COL1A2: variants seen among roughly 807,000 people sequenced by gnomAD.
The protein encoded by COL1A2 is collagen type I alpha 2 chain, also known as collagen alpha-2(I) chain.
A neutral mutation model predicts 174.3 loss-of-function variants in COL1A2; 49 were observed. The observed-to-expected ratio is 0.28, with a 90% confidence interval of 0.22 to 0.36. The LOEUF (loss-of-function observed/expected upper bound fraction) is 0.36, where lower values mean the gene tolerates loss of function less well. Ranked by LOEUF, COL1A2 falls within the 10% of genes least tolerant of loss-of-function variation. The pLI is 1.00. For missense variants in COL1A2, 1,438 were observed against 1,822.7 expected, an observed-to-expected ratio of 0.79 and a Z score of 3.84; for synonymous variants, 655 against 606.6, an observed-to-expected ratio of 1.08 and a Z score of -1.17.
intron 38 of COL1A2, chr7:94,421,328 G>C (rs775717705): frequency 2.0e-4 from 107 of 538,704 alleles, no homozygotes; most frequent in Non-Finnish European, 3.0e-4. Context: ...ATTCCTTTTG[G>C]CGTTTATTAA....
Position 94,430,551 on chromosome 7 carries a change from G to A in COL1A2, c.*158G>A, listed in dbSNP as rs1562909447. On this transcript the variant is annotated 3_prime_UTR_variant, in exon 52 of 52. Coordinates refer to ENST00000297268, the MANE Select transcript of COL1A2 (RefSeq NM_000089.4). The stretch of plus-strand genomic sequence containing the variant: ...AAAAGAGAAAAAGAAGGATTGATCA[G>A]AGCATTGTGCAATACAGTTTCATTA... The A allele has an allele frequency of 2.5e-6, 2 of 802,946 alleles. No individual in the cohort carries two copies. The highest frequency in any genetic ancestry group is 3.5e-5 in the African/African-American group (2 of 57,476). The allele number at this position is 802,946 out of a possible 1,614,324, so 49.7% of individuals were successfully genotyped here. A position where few individuals can be genotyped will look rare whatever the true frequency, so the allele number is the denominator to read the frequency against.
intron 48 of COL1A2, 51 bp from the exon 49 acceptor site, chr7:94,427,576 C>A: frequency 6.2e-7 from 1 of 1,606,988 alleles, no homozygotes; most frequent in Non-Finnish European, 8.5e-7. Context: ...ATGGATGTCT[C>A]TCACTGTAAC....
rs151122741 is a variant in COL1A2 at position 94,423,788 on chromosome 7, T to A, written c.2566-548T>A. 562 of 165,952 alleles carry A rather than the reference T, an allele frequency of 3.4e-3. 3 individuals carry two copies. Among genetic ancestry groups the A allele is most frequent in the African/African-American group, 0.012 (514 of 41,534 alleles). The allele number at this position is 165,952 out of a possible 1,614,324, so 10.3% of individuals were successfully genotyped here. A position where few individuals can be genotyped will look rare whatever the true frequency, so the allele number is the denominator to read the frequency against. ...TTTTGTATTTTTAGTAAAGACGGGG[T>A]TTCACCATATTGGTCAGGCTGGTCT... On this transcript the variant is annotated intron_variant, in intron 40 of 51. Coordinates refer to ENST00000297268, the MANE Select transcript of COL1A2 (RefSeq NM_000089.4).
intron 31 of COL1A2, chr7:94,417,480 G>A: frequency 2.0e-6 from 1 of 510,058 alleles, no homozygotes; most frequent in Non-Finnish European, 3.6e-6. Flanking sequence ...TAAGAGGACT[G>A]AAGCAGGTTA....
rs762201938 is a variant in COL1A2 at position 94,401,623 on chromosome 7, A to G, written c.279+3A>G. On this transcript the variant is annotated splice_donor_region_variant and intron_variant, in intron 6 of 51. Coordinates refer to ENST00000297268, the MANE Select transcript of COL1A2 (RefSeq NM_000089.4). ...TTGGACTTGGCCCTGGACCAATGGTATGCTTATCTGTTTATCTTAGCCAAA... is the reference window on the plus strand; with the variant it reads ...TTGGACTTGGCCCTGGACCAATGGTGTGCTTATCTGTTTATCTTAGCCAAA... The G allele has an allele frequency of 6.3e-6, 10 of 1,586,686 alleles. No individual in the cohort carries two copies. In the South Asian group the frequency reaches 1.1e-4, roughly 18 times the overall value.
chr7:94,403,465 G>T (rs1330140370), intron 6 of COL1A2, among the ~76,000 whole-genome samples: 1 of 152,124 alleles, frequency 6.6e-6, no homozygotes, highest in Non-Finnish European at 1.5e-5. Flanking sequence ...AAATGAAATT[G>T]TTGCAAATAC....
Position 94,412,084 on chromosome 7 carries a change from C to T in COL1A2, c.1367C>T (p.Pro456Leu), listed in dbSNP as rs1352712161. The T allele has an allele frequency of 6.2e-7, 1 of 1,612,556 alleles. No homozygotes were observed. Among genetic ancestry groups the T allele is most frequent in the Non-Finnish European group, 8.5e-7 (1 of 1,179,174 alleles). ...LMGPRGLPGS[P>L]GNIGPAGKEG... The stretch of plus-strand genomic sequence containing the variant: ...ATTTTATAGGGTCTTCCTGGTTCCC[C>T]TGGAAATATCGGCCCCGCTGGAAAA... Residue 456 changes from proline (P) to leucine (L), a missense_variant, in exon 24 of 52, where the codon CCT becomes CTT. Physicochemically the swap from Pro to Leu is moderately conservative, Grantham distance 98. Coordinates refer to ENST00000297268, the MANE Select transcript of COL1A2 (RefSeq NM_000089.4).
At chr7:94,424,312 A>G in intron 40 of COL1A2, 24 bp from the exon 41 acceptor site, 6 of 1,588,758 alleles carry the variant, frequency 3.8e-6, no homozygotes, top group Non-Finnish European at 5.2e-6. Flanking sequence ...TACCCATAAT[A>G]CTCAGTATTT....
Position 94,416,392 on chromosome 7 carries a change from T to C in COL1A2, c.1765-13T>C. On this transcript the variant is annotated splice_polypyrimidine_tract_variant and intron_variant, in intron 30 of 51. Transcript: ENST00000297268. ...ATGAATGGTGCAACACTTCTTCTAA[T>C]CACTTTTTTCAGGGGGAACGCGGTC... The C allele has an allele frequency of 1.3e-6, 2 of 1,558,236 alleles. No homozygotes were observed. The highest frequency in any genetic ancestry group is 1.7e-6 in the Non-Finnish European group (2 of 1,149,568).
At chr7:94,430,023 T>G in intron 51 of COL1A2, 1 of 576,154 alleles carries the variant, frequency 1.7e-6, no homozygotes, top group South Asian at 2.1e-5. Context: ...GTTGTTGGTT[T>G]TTTTGGTTTG....
Position 94,411,389 on chromosome 7 carries a change from G to T in COL1A2, c.1350+235G>T, listed in dbSNP as rs181621035. 2.1e-3 allele frequency among the ~76,000 whole-genome samples: 326 copies of T among 152,192 alleles called. 4 individuals are homozygous for T. In the East Asian group the frequency reaches 0.026, roughly 12 times the overall value. Reference sequence around the variant, plus strand: ...TGGCTATGAGGTTTTTGGAAGAATAGATCTATTTTAATATATCCAAATTAG... The same window carrying T: ...TGGCTATGAGGTTTTTGGAAGAATATATCTATTTTAATATATCCAAATTAG... On this transcript the variant is annotated intron_variant, in intron 23 of 51. Transcript: ENST00000297268.
intron 15 of COL1A2, 27 bp from the exon 16 acceptor site, chr7:94,408,743 T>C (rs1791856517): frequency 6.2e-7 from 1 of 1,613,612 alleles, no homozygotes; most frequent in Admixed American, 1.7e-5. Context: ...GGAGGAAATT[T>C]CTTACCACCT....
chr7:94,426,627 C>A, intron 46 of COL1A2, 97 bp downstream of exon 46: 1 of 922,728 alleles, frequency 1.1e-6, no homozygotes, highest in African/African-American at 1.6e-5. Flanking sequence ...CCAGTATAGC[C>A]TATATAATAT....
At position 94,401,550 on chromosome 7, in the gene COL1A2, T is replaced by C. The variant is rs746664287; in HGVS notation, c.226-17T>C. ...TATTTTATATATATATATAATTTTT[T>C]TTTTTTACTTCTCTAGAACTTTGCT... On this transcript the variant is annotated splice_polypyrimidine_tract_variant and intron_variant, in intron 5 of 51. Coordinates refer to ENST00000297268, the MANE Select transcript of COL1A2 (RefSeq NM_000089.4). 25 of 1,278,968 alleles carry C rather than the reference T, an allele frequency of 2.0e-5. No homozygotes were observed. 79.2% of individuals were successfully genotyped at this position (1,278,968 alleles called of 1,614,324 possible).
Position 94,415,281 on chromosome 7 carries a change from C to T in COL1A2, c.1764+11C>T. 7 of 1,612,824 alleles carry T rather than the reference C, an allele frequency of 4.3e-6. 1 individual carries two copies. In the South Asian group the frequency reaches 6.6e-5, roughly 15 times the overall value. ...CCTGCTGGTCCAAGAGTAAGTGTTA[C>T]TTCATTAACTTTCATAAACTCTGGC... On this transcript the variant is annotated intron_variant, in intron 30 of 51. Transcript: ENST00000297268.
At chr7:94,395,166 C>A in intron 1 of COL1A2, 65 bp downstream of exon 1, 1 of 1,375,702 alleles carries the variant, frequency 7.3e-7, no homozygotes, top group South Asian at 1.2e-5. Context: ...GCACCCTGCC[C>A]TGAAAAGGAA....
intron 1 of COL1A2, 82 bp downstream of exon 1, chr7:94,395,183 T>A: frequency 8.8e-7 from 1 of 1,131,830 alleles, no homozygotes; most frequent in Non-Finnish European, 1.4e-6. Flanking sequence ...GGAAAACCTG[T>A]AACCTGAATT....
At chr7:94,398,479 G>T in intron 3 of COL1A2, 83 bp downstream of exon 3, 1 of 560,896 alleles carries the variant, frequency 1.8e-6, no homozygotes, top group South Asian at 2.8e-5. Flanking sequence ...GACTATAGAA[G>T]GAAAATACTT....
rs201393190 is a variant in COL1A2 at position 94,429,259 on chromosome 7, C to T, written c.3783C>T (p.Ala1261=). 1 of 1,613,974 alleles carries T rather than the reference C, an allele frequency of 6.2e-7. No individual in the cohort carries two copies. The highest frequency in any genetic ancestry group is 1.7e-5 in the Admixed American group (1 of 60,014). ...AACTTGCCTTCATGCGCCTGCTGGC[C>T]AACTATGCCTCTCAGAACATCACCT... ...ATQLAFMRLL[A]NYASQNITYH... The change falls in exon 51 of 52, where the codon GCC becomes GCT. Residue 1261 remains alanine, a synonymous_variant. Coordinates refer to ENST00000297268, the MANE Select transcript of COL1A2 (RefSeq NM_000089.4).
Sources: gnomAD v4.1 joint callset for allele counts (sites outside exome capture counted in the v4.1 genomes callset) on GRCh38, gnomAD v4.1.1 for gene constraint, MANE v1.5 for transcripts, NCBI Gene and HGNC (gene_info 2026-07-23, HGNC 2026-07-21) for gene names.